Variants in ZNF527 observed in about 807,000 individuals in gnomAD.
ZNF527 encodes zinc finger protein 527.
In ZNF527, 5 loss-of-function variants were observed where a neutral mutation model predicts 13.5. The ratio of observed to expected loss-of-function variants is 0.37; its 90% CI spans 0.19 to 0.78. ZNF527 has a LOEUF of 0.78. ZNF527 is among the 30% of genes least tolerant of loss of function. The pLI is 0.48. For missense variants in ZNF527, 628 were observed against 726.4 expected (o/e 0.86, Z 1.56); for synonymous variants, 209 against 243.1 (o/e 0.86, Z 1.30).
Position 37,390,050 on chromosome 19 carries a change from A to G in ZNF527, c.*171A>G, listed in dbSNP as rs1401648656. The G allele has an allele frequency of 3.9e-6, 3 of 772,018 alleles. No individual in the cohort carries two copies. Among genetic ancestry groups the G allele is most frequent in the African/African-American group, 1.9e-5 (1 of 53,266 alleles). 47.8% of individuals were successfully genotyped at this position (772,018 alleles called of 1,614,324 possible). A position where few individuals can be genotyped will look rare whatever the true frequency, so the allele number is the denominator to read the frequency against. Reference sequence around the variant, plus strand: ...CATCTGTTACTTTTTTTTTTTTCAGACAGAGTCTCGCTCTGTTGCCCAGGC... The same window carrying G: ...CATCTGTTACTTTTTTTTTTTTCAGGCAGAGTCTCGCTCTGTTGCCCAGGC... On this transcript the variant is annotated 3_prime_UTR_variant, in exon 5 of 5. Transcript: ENST00000436120.
rs976928849 is a variant in ZNF527 at position 37,381,802 on chromosome 19, G to T, written c.256+1430G>T. ...TCTTTTCTTTGTGTATATTAATTGG[G>T]ATTGTTCTGAAGGAAGAGCTGCTCT... On this transcript the variant is annotated intron_variant, in intron 4 of 4. Transcript: ENST00000436120. Among the ~76,000 whole-genome samples the T allele has an allele frequency of 2.0e-5, 3 of 152,018 alleles. No homozygotes were observed. The East Asian group carries it at 5.8e-4, about 29-fold the overall frequency.
chr19:37,377,384 A>C (rs995657974), intron 2 of ZNF527, among the ~76,000 whole-genome samples: 2 of 152,138 alleles, frequency 1.3e-5, no homozygotes, highest in African/African-American at 4.8e-5. Context: ...GAGGAAGTTA[A>C]AAGTGAGATC....
chr19:37,389,690 T>A lies in ZNF527; in HGVS notation c.1641T>A (p.Ile547=). The A allele has an allele frequency of 1.2e-6, 2 of 1,613,990 alleles. No homozygotes were observed. Among genetic ancestry groups the A allele is most frequent in the Non-Finnish European group, 1.7e-6 (2 of 1,180,004 alleles). ...CGSYLNQHQR[I]HTGEKPYECS... ...CATATCTTAATCAACATCAAAGAAT[T>A]CATACTGGAGAGAAACCCTATGAAT... Residue 547 remains isoleucine, a synonymous_variant, in exon 5 of 5, where the codon ATT becomes ATA. Transcript: ENST00000436120.
At position 37,371,215 on chromosome 19, in the gene ZNF527, C is replaced by G. The variant is rs538944586; in HGVS notation, c.-53C>G. The G allele has an allele frequency of 6.5e-6, 1 of 152,688 alleles. No homozygotes were observed. Among genetic ancestry groups the G allele is most frequent in the East Asian group, 1.9e-4 (1 of 5,158 alleles). The allele number at this position is 152,688 out of a possible 1,614,324, so 9.5% of individuals were successfully genotyped here. Reference sequence around the variant, plus strand: ...TCGCGGGGCCCGTTTGCAGAGCCCGCGGCGCCGGGAGGTGAGTGGGGCCGG... The same window carrying G: ...TCGCGGGGCCCGTTTGCAGAGCCCGGGGCGCCGGGAGGTGAGTGGGGCCGG... On this transcript the variant is annotated 5_prime_UTR_variant, in exon 1 of 5. Transcript: ENST00000436120.
At position 37,371,996 on chromosome 19, in the gene ZNF527, C is replaced by CT. The variant is rs201374770; in HGVS notation, c.-42+786dup. 8.3e-3 allele frequency among the ~76,000 whole-genome samples: 1,139 copies of CT among 138,052 alleles called. 5 individuals are homozygous for CT. The highest frequency in any genetic ancestry group is 0.019 in the Middle Eastern group (5 of 262). 90.6% of individuals were successfully genotyped at this position (138,052 alleles called of 152,430 possible). A position where few individuals can be genotyped will look rare whatever the true frequency, so the allele number is the denominator to read the frequency against. Reference sequence around the variant, plus strand: ...AAGCAGTTTAGCTCTAGAGGTCTCGCTTTTTTTTTTTTTTTTCTCTTGAGA... The same window carrying CT: ...AAGCAGTTTAGCTCTAGAGGTCTCGCTTTTTTTTTTTTTTTTTCTCTTGAGA... On this transcript the variant is annotated intron_variant, in intron 1 of 4. Coordinates refer to ENST00000436120, the MANE Select transcript of ZNF527 (RefSeq NM_032453.2).
chr19:37,379,014 T>G, intron 2 of ZNF527, 106 bp from the exon 3 acceptor site: 1 of 1,265,488 alleles, frequency 7.9e-7, no homozygotes, highest in Non-Finnish European at 1.1e-6. Flanking sequence ...CCAATAATTA[T>G]TTTCCTCGCA....
At chr19:37,381,806 G>A (rs1218230144) in intron 4 of ZNF527, among the ~76,000 whole-genome samples, 1 of 151,930 alleles carries the variant, frequency 6.6e-6, no homozygotes, top group African/African-American at 2.4e-5. Context: ...AATTGGGATT[G>A]TTCTGAAGGA....
At position 37,388,825 on chromosome 19, in the gene ZNF527, C is replaced by T. The variant is rs763031658; in HGVS notation, c.776C>T (p.Ser259Leu). Residue 259 changes from serine to leucine, a missense_variant, in exon 5 of 5, where the codon TCA (serine) becomes TTA (leucine). Physicochemically the swap from Ser to Leu is moderately radical, Grantham distance 145. Coordinates refer to ENST00000436120, the MANE Select transcript of ZNF527 (RefSeq NM_032453.2). Reference protein sequence around the residue: ...HDFSKLLSFHSLFTQHQTTHF... With the variant: ...HDFSKLLSFHLLFTQHQTTHF... The stretch of plus-strand genomic sequence containing the variant: ...TTTTCAAAGCTCTTAAGTTTCCACT[C>T]ATTATTTACTCAACATCAGACCACT... 1 of 1,613,676 alleles carries T rather than the reference C, an allele frequency of 6.2e-7. No individual in the cohort carries two copies.
At chr19:37,373,908 A>G (rs1006470117) in intron 1 of ZNF527, among the ~76,000 whole-genome samples, 5 of 152,204 alleles carry the variant, frequency 3.3e-5, no homozygotes, top group Non-Finnish European at 7.4e-5. Context: ...CCAGATCATG[A>G]ACCACCTTGT....
chr19:37,387,447 C>T (rs1278687115), intron 4 of ZNF527, among the ~76,000 whole-genome samples: 1 of 152,186 alleles, frequency 6.6e-6, no homozygotes, highest in Non-Finnish European at 1.5e-5. Flanking sequence ...CTTGAGCTCT[C>T]AGAATTTACA....
rs550276818 is a variant in ZNF527 at position 37,377,119 on chromosome 19, CTT to C, written c.34-2000_34-1999del. Among the ~76,000 whole-genome samples, 69 of 151,998 alleles carry C rather than the reference CTT, an allele frequency of 4.5e-4. 1 individual carries two copies. In the South Asian group the frequency reaches 0.012, roughly 27 times the overall value. The stretch of plus-strand genomic sequence containing the variant: ...GCTAAAGGGAGATCATGGAAGGGAA[CTT>C]ATTTATTTATTTATCTATGTATTTA... On this transcript the variant is annotated intron_variant, in intron 2 of 4. Coordinates refer to ENST00000436120, the MANE Select transcript of ZNF527 (RefSeq NM_032453.2).
At chr19:37,387,519 T>C (rs1261189216) in intron 4 of ZNF527, among the ~76,000 whole-genome samples, 1 of 152,218 alleles carries the variant, frequency 6.6e-6, no homozygotes. Flanking sequence ...GACCTACTAA[T>C]AGGTTCTATG....
At chr19:37,385,195 G>T in intron 4 of ZNF527, 1 of 459,924 alleles carries the variant, frequency 2.2e-6, no homozygotes, top group South Asian at 5.6e-5. Flanking sequence ...ATTTTTCTAT[G>T]ATATATGTTT....
chr19:37,384,975 G>A (rs2040686128), intron 4 of ZNF527: 3 of 701,446 alleles, frequency 4.3e-6, no homozygotes, highest in African/African-American at 1.8e-5. Flanking sequence ...GCACACCACT[G>A]CACCTGGTTA....
Position 37,381,158 on chromosome 19 carries a change from C to G in ZNF527, c.256+786C>G, listed in dbSNP as rs561071826. Among the ~76,000 whole-genome samples the G allele has an allele frequency of 3.2e-4, 49 of 152,254 alleles. 1 individual carries two copies. Among genetic ancestry groups the G allele is most frequent in the African/African-American group, 1.1e-3 (46 of 41,548 alleles). The stretch of plus-strand genomic sequence containing the variant: ...GTGCATATGGCAAGTTACTTTTTCT[C>G]TACTCCTTTTTATTTTTCCTGGAGT... On this transcript the variant is annotated intron_variant, in intron 4 of 4. Coordinates refer to ENST00000436120, the MANE Select transcript of ZNF527 (RefSeq NM_032453.2).
intron 1 of ZNF527, among the ~76,000 whole-genome samples, chr19:37,372,453 TTTTCTTTTCTTTTC>T (rs1287098255): frequency 8.0e-6 from 1 of 124,754 alleles, no homozygotes; most frequent in African/African-American, 4.1e-5. Context: ...CTTTCTTTTC[TTTTCTTTTCTTTTC>T]TTTTTTTTTT....
intron 4 of ZNF527, chr19:37,385,493 A>G: frequency 2.5e-6 from 1 of 396,644 alleles, no homozygotes. Flanking sequence ...AGAAAGGTAT[A>G]AAATGCAAGG....
chr19:37,383,189 G>C (rs2040668678), intron 4 of ZNF527, among the ~76,000 whole-genome samples: 1 of 152,052 alleles, frequency 6.6e-6, no homozygotes, highest in Non-Finnish European at 1.5e-5. Context: ...GATGTCAGCA[G>C]CCTATATTCC....
intron 4 of ZNF527, chr19:37,385,448 C>A: frequency 2.5e-6 from 1 of 398,174 alleles, no homozygotes; most frequent in Non-Finnish European, 4.4e-6. Context: ...TACAAGTCAA[C>A]CCTGGTTGAG....
Sources: allele counts gnomAD v4.1 joint callset (sites outside exome capture counted in the v4.1 genomes callset), GRCh38; gene constraint gnomAD v4.1.1; transcripts MANE v1.5; gene names NCBI Gene and HGNC (gene_info 2026-07-23, HGNC 2026-07-21).